Variants in VAV1 observed in about 807,000 individuals in gnomAD.
VAV1 encodes proto-oncogene vav.
A neutral mutation model predicts 128.1 loss-of-function variants in VAV1; 33 were observed. The ratio of observed to expected loss-of-function variants is 0.26; its 90% CI spans 0.20 to 0.34. The LOEUF is 0.34. VAV1 is among the 10% of genes least tolerant of loss of function. VAV1 has a pLI of 1.00. For missense variants in VAV1, 715 were observed against 1,093.7 expected, an observed-to-expected ratio of 0.65 and a Z score of 4.88; for synonymous variants, 394 against 409.8, an observed-to-expected ratio of 0.96 and a Z score of 0.47.
intron 1 of VAV1, chr19:6,784,087 C>T: frequency 2.4e-6 from 1 of 418,648 alleles, no homozygotes; most frequent in Non-Finnish European, 4.3e-6. Flanking sequence ...GGTCCCGTCT[C>T]TACAAAAAAT....
At chr19:6,850,802 AGGACCCTCCCTGCACCTCCGCCTTG>A in intron 24 of VAV1, 45 bp downstream of exon 24, 1 of 1,603,976 alleles carries the variant, frequency 6.2e-7, no homozygotes, top group Non-Finnish European at 8.5e-7. Flanking sequence ...AGAACCTAGG[AGGACCCTCCCTGCACCTCCGCCTTG>A]GGACCCCCTT....
chr19:6,774,427 C>CTTTTTTTTTT lies in VAV1; in HGVS notation c.204+1432_204+1441dup, dbSNP rs1002823385. Among the ~76,000 whole-genome samples the CTTTTTTTTTT allele has an allele frequency of 2.1e-3, 193 of 91,562 alleles. 14 individuals are homozygous for CTTTTTTTTTT. Among genetic ancestry groups the CTTTTTTTTTT allele is most frequent in the African/African-American group, 0.011 (188 of 17,792 alleles). 60.1% of individuals were successfully genotyped at this position (91,562 alleles called of 152,430 possible). ...ACAGGTGTGAGCCACCGCGCCCAGC[C>CTTTTTTTTTT]TTTTTTTTTTTTTTTTTTTTTTTTT... is the stretch of plus-strand genomic sequence containing the variant. On this transcript the variant is annotated intron_variant, in intron 1 of 26. Coordinates refer to ENST00000602142, the MANE Select transcript of VAV1 (RefSeq NM_005428.4).
chr19:6,817,841 C>T (rs368850087), intron 1 of VAV1, among the ~76,000 whole-genome samples: 50 of 152,230 alleles, frequency 3.3e-4, no homozygotes, highest in African/African-American at 1.1e-3. Context: ...CACCCGCCAC[C>T]TTGCCTGGCT....
At chr19:6,792,816 A>G (rs2617808) in intron 1 of VAV1, among the ~76,000 whole-genome samples, 33,417 of 151,928 alleles carry the variant, frequency 0.22, 3,893 homozygotes, top group African/African-American at 0.3. Flanking sequence ...AGTTTCAGTT[A>G]TCACTACTGG....
At chr19:6,818,568 C>G (rs1971713056) in intron 1 of VAV1, among the ~76,000 whole-genome samples, 1 of 152,112 alleles carries the variant, frequency 6.6e-6, no homozygotes. Flanking sequence ...CTGTGTCCCC[C>G]CAAAATTTAT....
chr19:6,822,608 G>A lies in VAV1; in HGVS notation c.654+94G>A, dbSNP rs41308600. ...CTGTCCGGCCGCTCTGGGCAGCTGAGGATTTCCTGCTCCCATCGCTTTTCC... is the reference window on the plus strand; with the variant it reads ...CTGTCCGGCCGCTCTGGGCAGCTGAAGATTTCCTGCTCCCATCGCTTTTCC... On this transcript the variant is annotated intron_variant, in intron 6 of 26. Coordinates refer to ENST00000602142, the MANE Select transcript of VAV1 (RefSeq NM_005428.4). The surrounding 1 kb of genome is among the most constrained non-coding windows in gnomAD (Gnocchi z 5.9). 2.6e-3 allele frequency: 2,850 copies of A among 1,106,994 alleles called. 9 individuals carry two copies. Among genetic ancestry groups the A allele is most frequent in the Middle Eastern group, 5.0e-3 (17 of 3,396 alleles). The allele number at this position is 1,106,994 out of a possible 1,614,324, so 68.6% of individuals were successfully genotyped here.
At chr19:6,801,841 T>C (rs1222833313) in intron 1 of VAV1, among the ~76,000 whole-genome samples, 1 of 152,106 alleles carries the variant, frequency 6.6e-6, no homozygotes, top group East Asian at 1.9e-4. Context: ...TTTCTTCATC[T>C]TGGGCAGGGG....
chr19:6,832,455 C>G (rs955127642), intron 15 of VAV1, among the ~76,000 whole-genome samples: 24 of 151,478 alleles, frequency 1.6e-4, no homozygotes, highest in African/African-American at 5.8e-4. Context: ...TCTCCTCTTC[C>G]TTCTCCTCCT....
At position 6,836,518 on chromosome 19, in the gene VAV1, G is replaced by A; in HGVS notation, c.1864G>A (p.Gly622Arg). Residue 622 changes from glycine to arginine, a missense_variant, in exon 20 of 27, where the codon GGA becomes AGA. Coordinates refer to ENST00000602142, the MANE Select transcript of VAV1 (RefSeq NM_005428.4). ...TGGACCCTTTCTACGGCTCAACCCT[G>A]GAGACATTGTGGAGCTCACGAAGGC... The part of the protein sequence containing the change: ...AIGPFLRLNP[G>R]DIVELTKAEA... The A allele has an allele frequency of 1.2e-6, 2 of 1,614,024 alleles. No homozygotes were observed. Among genetic ancestry groups the A allele is most frequent in the Non-Finnish European group, 1.7e-6 (2 of 1,179,998 alleles).
intron 15 of VAV1, among the ~76,000 whole-genome samples, chr19:6,832,944 T>C (rs995029004): frequency 6.6e-6 from 1 of 152,120 alleles, no homozygotes; most frequent in Non-Finnish European, 1.5e-5. Context: ...CCATTAAGCA[T>C]TCACTCCCAA....
At chr19:6,799,652 G>A (rs1470037280) in intron 1 of VAV1, among the ~76,000 whole-genome samples, 1 of 151,946 alleles carries the variant, frequency 6.6e-6, no homozygotes. Context: ...CTTGGTTGAG[G>A]TTTGAATTAC....
rs367945407 is a variant in VAV1, at chr19:6,836,606, C to T, written c.1914+38C>T. ...GCCACAAGAGTGATGGGGTGGGACC[C>T]AAGTGTAGGGTTATGGATTCATGTG... On this transcript the variant is annotated intron_variant, in intron 20 of 26. Coordinates refer to ENST00000602142, the MANE Select transcript of VAV1 (RefSeq NM_005428.4). The T allele has an allele frequency of 4.1e-5, 66 of 1,610,590 alleles. No individual in the cohort carries two copies. In the African/African-American group the frequency reaches 7.5e-4, roughly 18 times the overall value.
At chr19:6,773,122 G>A (rs1053459277) in intron 1 of VAV1, 111 bp downstream of exon 1, 1 of 1,412,008 alleles carries the variant, frequency 7.1e-7, no homozygotes, top group Non-Finnish European at 9.8e-7. Context: ...AAAGGAGAGG[G>A]AATATGCTTA....
At chr19:6,798,658 T>G (rs1009704063) in intron 1 of VAV1, among the ~76,000 whole-genome samples, 1 of 141,988 alleles carries the variant, frequency 7.0e-6, no homozygotes, top group African/African-American at 2.9e-5. Context: ...GTTTCTCCCC[T>G]TCCCCCCCCC....
intron 21 of VAV1, among the ~76,000 whole-genome samples, chr19:6,837,888 T>C (rs917260997): frequency 8.5e-5 from 13 of 152,214 alleles, no homozygotes; most frequent in African/African-American, 2.9e-4. Flanking sequence ...AATTCAACAT[T>C]GACATTATAC....
chr19:6,847,024 T>C (rs813430), intron 22 of VAV1, among the ~76,000 whole-genome samples: 48,711 of 151,032 alleles, frequency 0.32, 11,775 homozygotes, highest in African/African-American at 0.68. Flanking sequence ...AGCGATTCTC[T>C]TGCCTCAGCC....
chr19:6,773,681 G>A (rs901712363), intron 1 of VAV1, among the ~76,000 whole-genome samples: 1 of 152,144 alleles, frequency 6.6e-6, no homozygotes, highest in Non-Finnish European at 1.5e-5. Context: ...GCATTTTCTC[G>A]GCAGGGATTT....
At chr19:6,829,074 T>C (rs1188565531) in intron 13 of VAV1, among the ~76,000 whole-genome samples, 174 bp downstream of exon 13, 1 of 141,812 alleles carries the variant, frequency 7.1e-6, no homozygotes, top group Non-Finnish European at 1.5e-5. Context: ...GAGCAGAGCC[T>C]GGGCAGGGGC....
chr19:6,836,692 T>C, intron 20 of VAV1, 124 bp downstream of exon 20: 4 of 1,439,078 alleles, frequency 2.8e-6, no homozygotes, highest in Non-Finnish European at 2.8e-6. Context: ...GGGAGTGGGG[T>C]AGGTAGACTG....
Sources: allele counts gnomAD v4.1 joint callset (sites outside exome capture counted in the v4.1 genomes callset), GRCh38; gene constraint gnomAD v4.1.1; non-coding constraint Gnocchi (gnomAD v3.1); transcripts MANE v1.5; gene names NCBI Gene and HGNC (gene_info 2026-07-23, HGNC 2026-07-21).